Variants in TACR1 observed in about 807,000 individuals in gnomAD.
TACR1 encodes the protein substance-P receptor.
TACR1 carries 25 observed loss-of-function variants against 35.8 expected under a neutral mutation model. The ratio of observed to expected loss-of-function variants is 0.70; its 90% CI spans 0.51 to 0.98. The LOEUF (loss-of-function observed/expected upper bound fraction) is 0.98, where lower values mean the gene tolerates loss of function less well. TACR1 is among the 50% of genes least tolerant of loss of function. The probability of loss-of-function intolerance (pLI) is 0.00; values close to 1 mark genes in which losing one functional copy is unlikely to be tolerated. For synonymous variants in TACR1, 195 were observed against 206.7 expected (o/e 0.94, Z 0.48); for missense variants, 478 against 522.9 (o/e 0.91, Z 0.84).
chr2:75,061,999 G>A (rs904330675), intron 2 of TACR1, among the ~76,000 whole-genome samples: 4 of 152,154 alleles, frequency 2.6e-5, no homozygotes, highest in African/African-American at 4.8e-5. Flanking sequence ...CCCATGTGGT[G>A]CTCCTCTGTT....
At chr2:75,089,852 A>G (rs1398652367) in intron 2 of TACR1, among the ~76,000 whole-genome samples, 1 of 152,154 alleles carries the variant, frequency 6.6e-6, no homozygotes. Flanking sequence ...CAACCCAGCC[A>G]AACCATAGTA....
At chr2:75,097,930 G>C (rs577974353) in intron 2 of TACR1, among the ~76,000 whole-genome samples, 14 of 152,274 alleles carry the variant, frequency 9.2e-5, no homozygotes, top group African/African-American at 3.4e-4. Context: ...ATTCTGTGGT[G>C]TCAATACTTG....
intron 1 of TACR1, among the ~76,000 whole-genome samples, chr2:75,170,539 A>C (rs1467147134): frequency 6.6e-6 from 1 of 152,234 alleles, no homozygotes; most frequent in East Asian, 1.9e-4. Context: ...ACTGGGTAAC[A>C]GGCAGCGGTT....
chr2:75,138,969 G>T (rs1674350158), intron 1 of TACR1, among the ~76,000 whole-genome samples: 1 of 151,904 alleles, frequency 6.6e-6, no homozygotes, highest in South Asian at 2.1e-4. Context: ...GAAAAAGAAC[G>T]GTCATGAGAA....
chr2:75,101,406 T>C (rs1673531188), intron 2 of TACR1, among the ~76,000 whole-genome samples: 2 of 152,152 alleles, frequency 1.3e-5, no homozygotes, highest in African/African-American at 4.8e-5. Flanking sequence ...TGCTAAGGGT[T>C]TTATATACAA....
intron 2 of TACR1, among the ~76,000 whole-genome samples, chr2:75,079,770 G>A (rs1172697584): frequency 1.4e-5 from 2 of 139,128 alleles, no homozygotes; most frequent in African/African-American, 5.3e-5. Context: ...TCTCACTCTG[G>A]AATGAGTCAT....
intron 1 of TACR1, among the ~76,000 whole-genome samples, chr2:75,134,489 A>C (rs768597753): frequency 6.6e-6 from 1 of 152,198 alleles, no homozygotes; most frequent in Admixed American, 6.5e-5. Context: ...CTTATGATGC[A>C]TTAGAAGCAT....
chr2:75,114,029 A>G (rs1171117513), intron 2 of TACR1, among the ~76,000 whole-genome samples: 1 of 152,260 alleles, frequency 6.6e-6, no homozygotes, highest in Non-Finnish European at 1.5e-5. Flanking sequence ...ATCATAATAT[A>G]CAAAAGATGA....
chr2:75,116,860 A>C (rs1673872588), intron 2 of TACR1, among the ~76,000 whole-genome samples: 1 of 152,132 alleles, frequency 6.6e-6, no homozygotes, highest in Non-Finnish European at 1.5e-5. Flanking sequence ...CACTGAGCTG[A>C]GATAGTGCCA....
At chr2:75,120,858 A>T (rs1673956341) in intron 1 of TACR1, 90 bp from the exon 2 acceptor site, 1 of 1,052,560 alleles carries the variant, frequency 9.5e-7, no homozygotes. Flanking sequence ...AAGAAAATTC[A>T]TAGAAACCCT....
At chr2:75,125,042 T>C (rs1005168816) in intron 1 of TACR1, among the ~76,000 whole-genome samples, 2 of 152,242 alleles carry the variant, frequency 1.3e-5, no homozygotes, top group African/African-American at 4.8e-5. Flanking sequence ...CTGTTCCTGT[T>C]TATTTTCACA....
chr2:75,156,085 G>A (rs774778799), intron 1 of TACR1: 8 of 152,218 alleles, frequency 5.3e-5, no homozygotes, highest in Non-Finnish European at 1.0e-4. Flanking sequence ...TTTACATATT[G>A]TCTATGGCTG....
intron 1 of TACR1, among the ~76,000 whole-genome samples, chr2:75,157,623 A>T (rs1674895447): frequency 6.6e-6 from 1 of 152,230 alleles, no homozygotes; most frequent in Admixed American, 6.5e-5. Flanking sequence ...CCCCCACCTA[A>T]GGGTTGAAGT....
rs564515407 is a variant in TACR1, at chr2:75,083,902, A to G, written c.585-30147T>C. Among the ~76,000 whole-genome samples, 102 of 152,158 alleles carry G rather than the reference A, an allele frequency of 6.7e-4. 1 individual carries two copies. The highest frequency in any genetic ancestry group is 2.3e-3 in the African/African-American group (97 of 41,504). On this transcript the variant is annotated intron_variant, in intron 2 of 4. Transcript: ENST00000305249. ...GACAATTTGACTTCCTCTTTTCCTA[A>G]TTGAATACCCTTTATTTCTTTCTCC...
At chr2:75,099,213 C>A (rs946468036) in intron 2 of TACR1, among the ~76,000 whole-genome samples, 3 of 152,146 alleles carry the variant, frequency 2.0e-5, no homozygotes, top group Non-Finnish European at 4.4e-5. Context: ...GGAGGACCAC[C>A]CAGCACTCTG....
intron 2 of TACR1, among the ~76,000 whole-genome samples, chr2:75,061,323 A>G (rs1672668695): frequency 6.6e-6 from 1 of 152,054 alleles, no homozygotes; most frequent in Non-Finnish European, 1.5e-5. Context: ...GGCAGATTCA[A>G]TTTTAGTGGC....
At chr2:75,151,661 G>C (rs1189864187) in intron 1 of TACR1, among the ~76,000 whole-genome samples, 1 of 152,182 alleles carries the variant, frequency 6.6e-6, no homozygotes, top group Non-Finnish European at 1.5e-5. Context: ...TGGGGTTGGA[G>C]CCCCCACACA....
chr2:75,136,117 G>A (rs939310026), intron 1 of TACR1, among the ~76,000 whole-genome samples: 12 of 152,176 alleles, frequency 7.9e-5, no homozygotes, highest in African/African-American at 2.9e-4. Flanking sequence ...AGGGGTTGGC[G>A]GAACTTGGGC....
intron 2 of TACR1, among the ~76,000 whole-genome samples, chr2:75,058,397 G>A (rs889943978): frequency 6.6e-6 from 1 of 152,120 alleles, no homozygotes; most frequent in Non-Finnish European, 1.5e-5. Context: ...GCTTGCTTTG[G>A]CTTTCATTCT....
Sources: allele counts gnomAD v4.1 joint callset (sites outside exome capture counted in the v4.1 genomes callset), GRCh38; gene constraint gnomAD v4.1.1; transcripts MANE v1.5; gene names NCBI Gene and HGNC (gene_info 2026-07-23, HGNC 2026-07-21).